Variants in ENPP6 observed in about 807,000 individuals in gnomAD.
ENPP6 encodes the protein glycerophosphocholine cholinephosphodiesterase ENPP6.
Under a neutral mutation model 42.0 loss-of-function variants are expected in ENPP6, and 32 were observed. The observed-to-expected ratio is 0.76, with a 90% confidence interval of 0.58 to 1.02. The LOEUF is 1.02. Among genes scored for constraint, ENPP6 ranks in the 50% least tolerant of loss-of-function variants. ENPP6 has a pLI of 0.00. For synonymous variants in ENPP6, 213 were observed against 216.0 expected, an observed-to-expected ratio of 0.99 and a Z score of 0.12; for missense variants, 552 against 566.8, an observed-to-expected ratio of 0.97 and a Z score of 0.27.
At chr4:184,131,270 TC>T (rs747071609) in intron 2 of ENPP6, among the ~76,000 whole-genome samples, 3,272 of 111,226 alleles carry the variant, frequency 0.029, 145 homozygotes, top group South Asian at 0.049. Flanking sequence ...CTTCCTTCCT[TC>T]CTTCCTTCCT....
At chr4:184,210,673 A>G (rs1299312162) in intron 1 of ENPP6, among the ~76,000 whole-genome samples, 3 of 143,448 alleles carry the variant, frequency 2.1e-5, no homozygotes, top group Non-Finnish European at 3.1e-5. Flanking sequence ...CATTAGACAG[A>G]TCAACGAGAC....
At position 184,121,149 on chromosome 4, in the gene ENPP6, T is replaced by C. The variant is rs116989012; in HGVS notation, c.533+3012A>G. Among the ~76,000 whole-genome samples the C allele has an allele frequency of 2.1e-4, 32 of 152,372 alleles. No individual in the cohort carries two copies. The East Asian group carries it at 4.2e-3, about 20-fold the overall frequency. On this transcript the variant is annotated intron_variant, in intron 3 of 7. Coordinates refer to ENST00000296741, the MANE Select transcript of ENPP6 (RefSeq NM_153343.4). The stretch of plus-strand genomic sequence containing the variant: ...GATATCAAGCCCATTGACACAATAC[T>C]AGCCAATGGCTGTTAAAGCACTAAT...
At chr4:184,149,385 A>G (rs1736984662) in intron 2 of ENPP6, among the ~76,000 whole-genome samples, 1 of 152,248 alleles carries the variant, frequency 6.6e-6, no homozygotes, top group African/African-American at 2.4e-5. Flanking sequence ...TATTATCCAG[A>G]TGATGTCACC....
rs1736323510 is a variant in ENPP6, at chr4:184,116,893, A to C, written c.818T>G (p.Val273Gly). The C allele has an allele frequency of 6.2e-7, 1 of 1,614,074 alleles. No homozygotes were observed. The highest frequency in any genetic ancestry group is 8.5e-7 in the Non-Finnish European group (1 of 1,180,016). ...CCCAGGGGCCGGCCAAAGGCTCACA[A>C]CAGGCCCGCGGTCCTTCACTTGCTG... ...DLQQVKDRGPVVSLWPAPGKH... is the reference protein window; with the variant it reads ...DLQQVKDRGPGVSLWPAPGKH... The change falls in exon 5 of 8, where the codon GTT becomes GGT. Residue 273 changes from valine (V) to glycine (G), a missense_variant. Coordinates refer to ENST00000296741, the MANE Select transcript of ENPP6 (RefSeq NM_153343.4).
chr4:184,122,669 G>A (rs950715118), intron 3 of ENPP6, among the ~76,000 whole-genome samples: 2 of 152,208 alleles, frequency 1.3e-5, no homozygotes, highest in South Asian at 4.1e-4. Context: ...GTGAATCACC[G>A]GGTGGTACAG....
intron 1 of ENPP6, among the ~76,000 whole-genome samples, chr4:184,162,950 C>T (rs933755548): frequency 6.6e-6 from 1 of 152,100 alleles, no homozygotes; most frequent in African/African-American, 2.4e-5. Context: ...CTCCGCTCCC[C>T]GAGTGGTGAA....
chr4:184,146,505 T>C (rs917711140), intron 2 of ENPP6, among the ~76,000 whole-genome samples: 1 of 151,840 alleles, frequency 6.6e-6, no homozygotes, highest in African/African-American at 2.4e-5. Context: ...ATAAAAACAA[T>C]GCATCCTTGC....
chr4:184,201,045 C>T (rs1009040192), intron 1 of ENPP6, among the ~76,000 whole-genome samples: 1 of 152,138 alleles, frequency 6.6e-6, no homozygotes, highest in Non-Finnish European at 1.5e-5. Context: ...TCCTTGCTGT[C>T]GAAAGGGCTG....
intron 1 of ENPP6, among the ~76,000 whole-genome samples, chr4:184,197,294 T>C (rs1160220219): frequency 2.0e-5 from 3 of 152,254 alleles, no homozygotes; most frequent in Non-Finnish European, 2.9e-5. Flanking sequence ...TCTCTCTCAC[T>C]GCTTTGAATC....
At chr4:184,116,483 C>A (rs1383813442) in intron 5 of ENPP6, among the ~76,000 whole-genome samples, 1 of 152,092 alleles carries the variant, frequency 6.6e-6, no homozygotes, top group Non-Finnish European at 1.5e-5. Context: ...ACCTGTAATC[C>A]CAGCACTTTG....
At chr4:184,113,932 T>TTTCTTTCC (rs1259222868) in intron 5 of ENPP6, among the ~76,000 whole-genome samples, 4 of 143,140 alleles carry the variant, frequency 2.8e-5, no homozygotes, top group Non-Finnish European at 6.2e-5. Context: ...TCTTTCTTTC[T>TTTCTTTCC]TTCTTTCTTT....
rs1735736857 is a variant in ENPP6, at chr4:184,088,887, T to C, written c.*2290A>G. ...GTAACTTGCAGATTTTCAGGACGAG[T>C]GAAGGAGGAAAATGGCAGAAGAGTT... is the stretch of plus-strand genomic sequence containing the variant. On this transcript the variant is annotated 3_prime_UTR_variant, in exon 8 of 8. Transcript: ENST00000296741. The C allele has an allele frequency of 6.6e-6, 1 of 151,898 alleles. No individual in the cohort carries two copies. The highest frequency in any genetic ancestry group is 2.1e-4 in the South Asian group (1 of 4,814). The allele number at this position is 151,898 out of a possible 1,614,324, so 9.4% of individuals were successfully genotyped here. A position where few individuals can be genotyped will look rare whatever the true frequency, so the allele number is the denominator to read the frequency against.
At chr4:184,099,262 A>G (rs1735960884) in intron 6 of ENPP6, among the ~76,000 whole-genome samples, 1 of 152,206 alleles carries the variant, frequency 6.6e-6, no homozygotes, top group African/African-American at 2.4e-5. Context: ...TGCACTTCAC[A>G]TCCTCACTCA....
rs1560983319 is a variant in ENPP6, at chr4:184,117,796, AC to A, written c.637del (p.Val213Ter). On this transcript the variant is annotated frameshift_variant, in exon 4 of 8. Coordinates refer to ENST00000296741, the MANE Select transcript of ENPP6 (RefSeq NM_153343.4). LOFTEE classifies it high-confidence loss of function. The stretch of plus-strand genomic sequence containing the variant: ...GGTCATGTACTTCAGGACAGTGTCT[AC>A]AGCCTTGAGGGCATCTTTCCTCTGC... ...SPQRKDALKA[V>X]DTVLKYMTKW... 4 of 1,614,260 alleles carry A rather than the reference AC, an allele frequency of 2.5e-6. No homozygotes were observed. Among genetic ancestry groups the A allele is most frequent in the Non-Finnish European group, 2.5e-6 (3 of 1,180,048 alleles).
At chr4:184,201,348 C>A (rs1184523300) in intron 1 of ENPP6, among the ~76,000 whole-genome samples, 1 of 152,106 alleles carries the variant, frequency 6.6e-6, no homozygotes, top group Non-Finnish European at 1.5e-5. Context: ...GGGGTCAAGC[C>A]ATCCCCAAAG....
At chr4:184,137,278 A>T (rs1579629205) in intron 2 of ENPP6, among the ~76,000 whole-genome samples, 1 of 151,976 alleles carries the variant, frequency 6.6e-6, no homozygotes, top group East Asian at 1.9e-4. Flanking sequence ...TGTATTTTTA[A>T]TAGAGATGGA....
chr4:184,170,764 C>T (rs1203750864), intron 1 of ENPP6, among the ~76,000 whole-genome samples: 2 of 152,240 alleles, frequency 1.3e-5, no homozygotes, highest in African/African-American at 2.4e-5. Flanking sequence ...GCTCTCGCGT[C>T]ACGCCATGTG....
intron 2 of ENPP6, among the ~76,000 whole-genome samples, chr4:184,139,864 T>C (rs1324964512): frequency 1.3e-5 from 1 of 74,834 alleles, no homozygotes; most frequent in Admixed American, 1.1e-4. Flanking sequence ...GTCATTTGGG[T>C]ATATATCCAG....
chr4:184,208,261 C>G (rs866303530), intron 1 of ENPP6, among the ~76,000 whole-genome samples: 6 of 152,138 alleles, frequency 3.9e-5, no homozygotes, highest in South Asian at 2.1e-4. Flanking sequence ...AGGAACAGCT[C>G]TGGTCTACAG....
Sources: gnomAD v4.1 joint callset for allele counts (sites outside exome capture counted in the v4.1 genomes callset) on GRCh38, gnomAD v4.1.1 for gene constraint, MANE v1.5 for transcripts, NCBI Gene and HGNC (gene_info 2026-07-23, HGNC 2026-07-21) for gene names.